ZDHHC21: variants seen among roughly 807,000 people sequenced by gnomAD.
ZDHHC21 encodes the protein zDHHC palmitoyltransferase 21, also known as palmitoyltransferase ZDHHC21.
A neutral mutation model predicts 34.6 loss-of-function variants in ZDHHC21; 15 were observed. That is an observed-to-expected ratio of 0.43 (90% confidence interval 0.29 to 0.67). The LOEUF is 0.67. ZDHHC21 is among the 30% of genes least tolerant of loss of function. The probability of loss-of-function intolerance (pLI) is 0.14; values close to 1 mark genes in which losing one functional copy is unlikely to be tolerated. For synonymous variants in ZDHHC21, 142 were observed against 101.8 expected, an observed-to-expected ratio of 1.40 and a Z score of -2.38; for missense variants, 344 against 327.7, an observed-to-expected ratio of 1.05 and a Z score of -0.38.
At chr9:14,620,010 T>C (rs1278185949) in intron 8 of ZDHHC21, among the ~76,000 whole-genome samples, 1 of 152,042 alleles carries the variant, frequency 6.6e-6, no homozygotes, top group Non-Finnish European at 1.5e-5. Flanking sequence ...CTACTTTCAA[T>C]TTAACTGTCA....
At chr9:14,628,167 C>T (rs896916324) in intron 8 of ZDHHC21, among the ~76,000 whole-genome samples, 3 of 152,068 alleles carry the variant, frequency 2.0e-5, no homozygotes, top group African/African-American at 7.2e-5. Context: ...ACAGAAACAT[C>T]TGGTTGTGTT....
chr9:14,624,389 C>G (rs1825853578), intron 8 of ZDHHC21, among the ~76,000 whole-genome samples: 1 of 151,998 alleles, frequency 6.6e-6, no homozygotes, highest in South Asian at 2.1e-4. Context: ...TATTGCAGCA[C>G]TCTTCATAAT....
intron 8 of ZDHHC21, among the ~76,000 whole-genome samples, chr9:14,629,459 G>A (rs1183654771): frequency 6.6e-6 from 1 of 152,114 alleles, no homozygotes; most frequent in Admixed American, 6.5e-5. Flanking sequence ...GATATTGCAG[G>A]TTTGGTTCTA....
chr9:14,640,039 AC>A, intron 7 of ZDHHC21, 27 bp from the exon 8 acceptor site: 1 of 1,452,130 alleles, frequency 6.9e-7, no homozygotes, highest in Non-Finnish European at 9.6e-7. Flanking sequence ...AGTCTTAAAA[AC>A]CATTCAGAGT....
chr9:14,615,980 G>C lies in ZDHHC21; in HGVS notation c.*2986C>G, dbSNP rs1034001325. Reference sequence around the variant, plus strand: ...GTTTTCAGTTATCCAGAATACATAAGAAATTGTTACTAAAACTATAGATAT... The same window carrying C: ...GTTTTCAGTTATCCAGAATACATAACAAATTGTTACTAAAACTATAGATAT... On this transcript the variant is annotated 3_prime_UTR_variant, in exon 10 of 10. Transcript: ENST00000380916. 1.3e-5 allele frequency: 2 copies of C among 151,180 alleles called. No individual in the cohort carries two copies. Among genetic ancestry groups the C allele is most frequent in the African/African-American group, 2.4e-5 (1 of 41,244 alleles). The allele number at this position is 151,180 out of a possible 1,614,324, so 9.4% of individuals were successfully genotyped here. A position where few individuals can be genotyped will look rare whatever the true frequency, so the allele number is the denominator to read the frequency against.
chr9:14,602,531 C>T, the ZDHHC21 span, among the ~76,000 whole-genome samples: 1 of 151,644 alleles, frequency 6.6e-6, no homozygotes, highest in East Asian at 1.9e-4. Flanking sequence ...CCAATGCACA[C>T]ACCATATAGT....
At chr9:14,606,948 T>C (rs927137076), downstream of ZDHHC21, among the ~76,000 whole-genome samples, 1 of 152,066 alleles carries the variant, frequency 6.6e-6, no homozygotes, top group Non-Finnish European at 1.5e-5. Flanking sequence ...ATTTTGGTAC[T>C]TCCTATCAAA....
chr9:14,641,391 A>T (rs1365724505), intron 7 of ZDHHC21, among the ~76,000 whole-genome samples: 1 of 152,226 alleles, frequency 6.6e-6, no homozygotes, highest in Admixed American at 6.6e-5. Flanking sequence ...CCTGTGGATG[A>T]CATAAAAAAT....
rs1309402141 is a variant in ZDHHC21 at position 14,615,454 on chromosome 9, T to A, written c.*3512A>T. 3 of 151,782 alleles carry A rather than the reference T, an allele frequency of 2.0e-5. No homozygotes were observed. The highest frequency in any genetic ancestry group is 3.0e-5 in the Non-Finnish European group (2 of 67,746). The allele number at this position is 151,782 out of a possible 1,614,324, so 9.4% of individuals were successfully genotyped here. A position where few individuals can be genotyped will look rare whatever the true frequency, so the allele number is the denominator to read the frequency against. ...TATTAAAAATAAACCATGCTTTTTT[T>A]CTGAAAAAGTTAATATGTTAACTAC... is the stretch of plus-strand genomic sequence containing the variant. On this transcript the variant is annotated 3_prime_UTR_variant, in exon 10 of 10. Transcript: ENST00000380916.
At position 14,678,756 on chromosome 9, in the gene ZDHHC21, A is replaced by T. The variant is rs765502506; in HGVS notation, c.-46+1277T>A. The stretch of plus-strand genomic sequence containing the variant: ...TTCTGTAATCACAAAAATATGGCAC[A>T]ATCTAAATGTCCATGTAGAGAAAAG... On this transcript the variant is annotated intron_variant, in intron 3 of 9. Transcript: ENST00000380916. Among the ~76,000 whole-genome samples the T allele has an allele frequency of 1.1e-4, 16 of 152,164 alleles. 1 individual carries two copies. The highest frequency in any genetic ancestry group is 1.0e-3 in the Admixed American group (16 of 15,262).
chr9:14,658,953 A>C (rs1320490668), intron 6 of ZDHHC21, 66 bp from the exon 7 acceptor site: 1 of 1,498,954 alleles, frequency 6.7e-7, no homozygotes, highest in African/African-American at 1.4e-5. Flanking sequence ...AGGATCAATA[A>C]GACTAAATTA....
chr9:14,687,276 A>G (rs1157012972), intron 2 of ZDHHC21, among the ~76,000 whole-genome samples: 1 of 150,858 alleles, frequency 6.6e-6, no homozygotes, highest in Non-Finnish European at 1.5e-5. Context: ...TATAGTTATC[A>G]GAGCTACACT....
chr9:14,627,867 T>G (rs958195215), intron 8 of ZDHHC21, among the ~76,000 whole-genome samples: 1 of 152,086 alleles, frequency 6.6e-6, no homozygotes, highest in Non-Finnish European at 1.5e-5. Context: ...TACTGCTCAA[T>G]AATTCAGACA....
chr9:14,671,472 C>A (rs971076385), intron 5 of ZDHHC21, among the ~76,000 whole-genome samples: 11 of 152,052 alleles, frequency 7.2e-5, no homozygotes, highest in African/African-American at 2.4e-4. Flanking sequence ...TCTCACAGAT[C>A]ACCTTTAAAA....
the ZDHHC21 span, among the ~76,000 whole-genome samples, chr9:14,602,682 T>C: frequency 6.6e-6 from 1 of 152,100 alleles, no homozygotes; most frequent in Admixed American, 6.6e-5. Context: ...TGGGATGACA[T>C]TTTTAAATTG....
At chr9:14,657,425 C>T (rs148430968) in intron 7 of ZDHHC21, among the ~76,000 whole-genome samples, 57 of 152,110 alleles carry the variant, frequency 3.7e-4, no homozygotes, top group African/African-American at 1.3e-3. Context: ...AAAACTTATG[C>T]ATGTAATAAG....
In ZDHHC21 at chr9:14,663,318, C is replaced by A. The variant is rs117957217; in HGVS notation, c.254-992G>T. Among the ~76,000 whole-genome samples the A allele has an allele frequency of 6.4e-3, 974 of 152,178 alleles. 8 individuals carry two copies. Among genetic ancestry groups the A allele is most frequent in the Non-Finnish European group, 9.7e-3 (659 of 67,974 alleles). ...TGGACATAGTAAGATTAGCCTAACTCCTATATTCAGATTGAATTTTAGTAC... is the reference window on the plus strand; with the variant it reads ...TGGACATAGTAAGATTAGCCTAACTACTATATTCAGATTGAATTTTAGTAC... On this transcript the variant is annotated intron_variant, in intron 5 of 9. Transcript: ENST00000380916.
chr9:14,685,950 C>G (rs888927935), intron 2 of ZDHHC21, among the ~76,000 whole-genome samples: 2 of 151,458 alleles, frequency 1.3e-5, no homozygotes, highest in African/African-American at 2.4e-5. Flanking sequence ...CAAACTATTA[C>G]AAGGACAGAA....
At chr9:14,663,454 T>C (rs1465660533) in intron 5 of ZDHHC21, among the ~76,000 whole-genome samples, 1 of 151,262 alleles carries the variant, frequency 6.6e-6, no homozygotes, top group Non-Finnish European at 1.5e-5. Flanking sequence ...AAGATAATAG[T>C]AGACAATATT....
Sources: allele counts gnomAD v4.1 joint callset (sites outside exome capture counted in the v4.1 genomes callset), GRCh38; gene constraint gnomAD v4.1.1; transcripts MANE v1.5; gene names NCBI Gene and HGNC (gene_info 2026-07-23, HGNC 2026-07-21).